The following GALNTL6 variants were observed in gnomAD, a reference collection of about 807,000 sequenced individuals.
GALNTL6 encodes polypeptide N-acetylgalactosaminyltransferase like 6.
Under a neutral mutation model 73.7 loss-of-function variants are expected in GALNTL6, and 46 were observed. The ratio of observed to expected loss-of-function variants is 0.62; its 90% CI spans 0.49 to 0.80. The LOEUF is 0.80. Among genes scored for constraint, GALNTL6 ranks in the 30% least tolerant of loss-of-function variants. GALNTL6 has a pLI of 0.00. For synonymous variants in GALNTL6, 259 were observed against 263.7 expected (o/e 0.98, Z 0.17); for missense variants, 604 against 755.0 (o/e 0.80, Z 2.34).
rs545270978 is a variant in GALNTL6 at position 172,669,411 on chromosome 4, A to C, written c.554-139950A>C. 2.2e-4 allele frequency among the ~76,000 whole-genome samples: 33 copies of C among 152,318 alleles called. No homozygotes were observed. The South Asian group carries it at 5.4e-3, about 25-fold the overall frequency. ...ATGCATCGTCTAAGTCAAGGAACAGAGGGCTCACTAGAATGGATTGGCCCT... is the reference window on the plus strand; with the variant it reads ...ATGCATCGTCTAAGTCAAGGAACAGCGGGCTCACTAGAATGGATTGGCCCT... On this transcript the variant is annotated intron_variant, in intron 5 of 12. Coordinates refer to ENST00000506823, the MANE Select transcript of GALNTL6 (RefSeq NM_001034845.3).
intron 5 of GALNTL6, among the ~76,000 whole-genome samples, chr4:172,455,908 C>T (rs1732382630): frequency 6.6e-6 from 1 of 152,184 alleles, no homozygotes; most frequent in Non-Finnish European, 1.5e-5. Context: ...GACTGGGAGA[C>T]ACCTCCCAGC....
intron 4 of GALNTL6, among the ~76,000 whole-genome samples, chr4:172,311,970 A>G (rs2111145738): frequency 6.6e-6 from 1 of 152,314 alleles, no homozygotes; most frequent in African/African-American, 2.4e-5. Flanking sequence ...AATCCAATAC[A>G]CATTTTTGTT....
At chr4:172,661,488 C>T (rs891309055) in intron 5 of GALNTL6, among the ~76,000 whole-genome samples, 8 of 152,188 alleles carry the variant, frequency 5.3e-5, no homozygotes, top group Admixed American at 2.6e-4. Flanking sequence ...CTGGAAATAA[C>T]AAGATGAACT....
intron 7 of GALNTL6, among the ~76,000 whole-genome samples, chr4:172,862,126 A>G (rs1379701080): frequency 6.6e-6 from 1 of 152,230 alleles, no homozygotes; most frequent in Non-Finnish European, 1.5e-5. Flanking sequence ...AGACAGGAAG[A>G]TGTGGGAAAG....
At chr4:172,035,508 A>G (rs970001171) in intron 2 of GALNTL6, among the ~76,000 whole-genome samples, 5 of 152,134 alleles carry the variant, frequency 3.3e-5, no homozygotes, top group African/African-American at 1.2e-4. Context: ...TGTTTAAAAC[A>G]TGCATTTCAT....
intron 2 of GALNTL6, among the ~76,000 whole-genome samples, chr4:172,127,745 C>T (rs1032169342): frequency 6.6e-6 from 1 of 152,116 alleles, no homozygotes; most frequent in African/African-American, 2.4e-5. Context: ...AAACAAAAAT[C>T]ATCCTGTTTT....
At chr4:171,878,509 T>C (rs993172701) in intron 2 of GALNTL6, among the ~76,000 whole-genome samples, 15 of 152,206 alleles carry the variant, frequency 9.9e-5, no homozygotes, top group Admixed American at 9.8e-4. Flanking sequence ...GTCTTCATTC[T>C]AACATAAATA....
chr4:172,151,448 T>A (rs1734084805), intron 2 of GALNTL6, among the ~76,000 whole-genome samples: 1 of 152,228 alleles, frequency 6.6e-6, no homozygotes, highest in South Asian at 2.1e-4. Context: ...CCATAAAATA[T>A]ATTTTCCAAC....
intron 2 of GALNTL6, among the ~76,000 whole-genome samples, chr4:172,188,289 CAA>C (rs1735474323): frequency 6.6e-6 from 1 of 152,102 alleles, no homozygotes; most frequent in Non-Finnish European, 1.5e-5. Context: ...TAATGTTGTC[CAA>C]AATGAAATAC....
At chr4:172,766,305 A>T (rs4696022) in intron 5 of GALNTL6, among the ~76,000 whole-genome samples, 79,807 of 151,996 alleles carry the variant, frequency 0.53, 22,382 homozygotes, top group African/African-American at 0.74. Flanking sequence ...TTGGATATTT[A>T]ATAGACAATC....
chr4:172,496,959 A>G (rs868566744), intron 5 of GALNTL6, among the ~76,000 whole-genome samples: 2 of 152,236 alleles, frequency 1.3e-5, no homozygotes, highest in Non-Finnish European at 2.9e-5. Context: ...AAGCATGTTC[A>G]GTTAGTTTTC....
chr4:172,335,236 A>G (rs1360667331), intron 4 of GALNTL6, among the ~76,000 whole-genome samples: 1 of 152,186 alleles, frequency 6.6e-6, no homozygotes, highest in East Asian at 1.9e-4. Flanking sequence ...TACGTGTTGA[A>G]TCAGGTTTAT....
chr4:172,852,335 G>T (rs1394145561), intron 7 of GALNTL6, among the ~76,000 whole-genome samples: 1 of 152,090 alleles, frequency 6.6e-6, no homozygotes, highest in Admixed American at 6.6e-5. Context: ...GTGTTCATTT[G>T]TGATAGTGAA....
chr4:172,463,761 G>C (rs1202451088), intron 5 of GALNTL6, among the ~76,000 whole-genome samples: 2 of 152,160 alleles, frequency 1.3e-5, no homozygotes, highest in African/African-American at 2.4e-5. Flanking sequence ...ATTAGAAAAG[G>C]CTTTTCTGAA....
intron 2 of GALNTL6, among the ~76,000 whole-genome samples, chr4:172,016,733 T>G (rs10003087): frequency 0.51 from 77,007 of 149,656 alleles, 20,775 homozygotes; most frequent in African/African-American, 0.69. Flanking sequence ...ATTTATTTTT[T>G]ATTGGATTGA....
chr4:172,152,069 C>G (rs535280688), intron 2 of GALNTL6, among the ~76,000 whole-genome samples: 70 of 152,036 alleles, frequency 4.6e-4, no homozygotes, highest in African/African-American at 1.7e-3. Context: ...CCCCACCTCC[C>G]GGGTTCAAGC....
intron 5 of GALNTL6, among the ~76,000 whole-genome samples, chr4:172,498,222 T>G (rs1228997904): frequency 6.6e-6 from 1 of 151,510 alleles, no homozygotes; most frequent in Non-Finnish European, 1.5e-5. Flanking sequence ...TCTCTTGACC[T>G]CGTGATCCAT....
intron 2 of GALNTL6, among the ~76,000 whole-genome samples, chr4:171,950,413 G>A (rs907123438): frequency 3.3e-5 from 5 of 151,854 alleles, no homozygotes; most frequent in South Asian, 2.1e-4. Context: ...GATGAAGTTT[G>A]TGGAGTTAAT....
intron 2 of GALNTL6, among the ~76,000 whole-genome samples, chr4:171,912,245 T>C (rs1251539391): frequency 1.3e-5 from 2 of 152,208 alleles, no homozygotes; most frequent in African/African-American, 2.4e-5. Context: ...ATATGTCTTT[T>C]TGGCATAACA....
Sources: allele counts gnomAD v4.1 joint callset (sites outside exome capture counted in the v4.1 genomes callset), GRCh38; gene constraint gnomAD v4.1.1; transcripts MANE v1.5; gene names NCBI Gene and HGNC (gene_info 2026-07-23, HGNC 2026-07-21).